TPST1: variants seen among roughly 807,000 people sequenced by gnomAD.
TPST1 encodes the protein tyrosylprotein sulfotransferase 1.
TPST1 carries 20 observed loss-of-function variants against 34.8 expected under a neutral mutation model. The observed-to-expected ratio is 0.57, with a 90% CI of 0.40 to 0.84. The LOEUF (loss-of-function observed/expected upper bound fraction) is 0.84. TPST1 is among the 40% of genes least tolerant of loss of function. The pLI is 0.00. For synonymous variants in TPST1, 152 were observed against 159.4 expected (o/e 0.95, Z 0.35); for missense variants, 353 against 455.5 (o/e 0.78, Z 2.05).
At chr7:66,219,441 T>C (rs528646157) in intron 1 of TPST1, among the ~76,000 whole-genome samples, 1 of 152,316 alleles carries the variant, frequency 6.6e-6, no homozygotes, top group East Asian at 1.9e-4. Flanking sequence ...TGAGTCCAAA[T>C]CTAGTTCTCC....
intron 2 of TPST1, among the ~76,000 whole-genome samples, chr7:66,282,910 C>T (rs1180002822): frequency 6.6e-6 from 1 of 152,152 alleles, no homozygotes; most frequent in Non-Finnish European, 1.5e-5. Flanking sequence ...TTTCTTTTCT[C>T]CCTTCCATCC....
At chr7:66,276,638 T>C (rs6979636) in intron 2 of TPST1, among the ~76,000 whole-genome samples, 31,134 of 151,898 alleles carry the variant, frequency 0.2, 3,673 homozygotes, top group East Asian at 0.3. Flanking sequence ...CTTGTATTTA[T>C]TAACTCTTGT....
intron 3 of TPST1, among the ~76,000 whole-genome samples, chr7:66,341,976 A>G (rs1792247494): frequency 6.6e-6 from 1 of 152,160 alleles, no homozygotes; most frequent in Non-Finnish European, 1.5e-5. Flanking sequence ...AAGAAAAAAC[A>G]AGAGATGACT....
At chr7:66,287,719 A>T in intron 3 of TPST1, among the ~76,000 whole-genome samples, 1 of 95,588 alleles carries the variant, frequency 1.0e-5, no homozygotes, top group Non-Finnish European at 2.1e-5. Context: ...TTTTCTTGTA[A>T]ATTTGTTTGA....
At chr7:66,287,204 A>ATAG (rs2115946764) in intron 3 of TPST1, among the ~76,000 whole-genome samples, 1 of 109,154 alleles carries the variant, frequency 9.2e-6, no homozygotes. Flanking sequence ...TTATGGCTGC[A>ATAG]TAGTATTCCA....
chr7:66,266,448 G>GGTTATTATTAT (rs1790593402), intron 2 of TPST1, among the ~76,000 whole-genome samples: 1 of 152,136 alleles, frequency 6.6e-6, no homozygotes, highest in Non-Finnish European at 1.5e-5. Flanking sequence ...TAACCATTTG[G>GGTTATTATTAT]GGAAACTATA....
At chr7:66,260,250 T>G (rs938558405) in intron 2 of TPST1, among the ~76,000 whole-genome samples, 12 of 152,220 alleles carry the variant, frequency 7.9e-5, no homozygotes, top group African/African-American at 2.2e-4. Flanking sequence ...TGAAATTCAT[T>G]TATGTTTCAT....
intron 2 of TPST1, among the ~76,000 whole-genome samples, chr7:66,273,826 A>G (rs1195071570): frequency 1.3e-5 from 2 of 151,798 alleles, no homozygotes; most frequent in Non-Finnish European, 2.9e-5. Context: ...CTTTTGAGAC[A>G]GGGTCTCACT....
rs192363683 is a variant in TPST1, at chr7:66,332,647, C to G, written c.1045-19858C>G. Among the ~76,000 whole-genome samples, 155 of 152,292 alleles carry G rather than the reference C, an allele frequency of 1.0e-3. No individual in the cohort carries two copies. Among genetic ancestry groups the G allele is most frequent in the African/African-American group, 3.5e-3 (145 of 41,552 alleles). ...GTGGTTTCCACATCCATAGATTCAACTAACCATGGACTGAAAATATGTGGG... is the reference window on the plus strand; with the variant it reads ...GTGGTTTCCACATCCATAGATTCAAGTAACCATGGACTGAAAATATGTGGG... On this transcript the variant is annotated intron_variant, in intron 3 of 5. Coordinates refer to ENST00000304842, the MANE Select transcript of TPST1 (RefSeq NM_003596.4). This position sits in a 1 kb window ranked among gnomAD's most constrained non-coding sequence, Gnocchi z 4.5.
intron 1 of TPST1, 67 bp from the exon 2 acceptor site, chr7:66,240,258 A>G (rs1199609010): frequency 3.7e-6 from 3 of 803,416 alleles, no homozygotes; most frequent in Admixed American, 5.9e-5. Flanking sequence ...TGCAGTGGTG[A>G]TAACTGGTGA....
chr7:66,328,857 CCGCTCT>C (rs1562847064), intron 3 of TPST1, among the ~76,000 whole-genome samples: 1 of 63,800 alleles, frequency 1.6e-5, no homozygotes, highest in Non-Finnish European at 3.3e-5. Flanking sequence ...TCTCTCTCTC[CCGCTCT>C]CTCTCTCTCT....
intron 3 of TPST1, among the ~76,000 whole-genome samples, chr7:66,339,073 A>T (rs1277886082): frequency 1.3e-5 from 2 of 151,808 alleles, no homozygotes; most frequent in Non-Finnish European, 2.9e-5. Context: ...ATAGGTAATC[A>T]AAATTGGCAA....
intron 3 of TPST1, among the ~76,000 whole-genome samples, chr7:66,306,051 C>T (rs1191631358): frequency 6.6e-6 from 1 of 152,008 alleles, no homozygotes; most frequent in Non-Finnish European, 1.5e-5. Context: ...TTGCTTGGAA[C>T]GAATAGAATA....
chr7:66,270,409 C>G (rs140630936), intron 2 of TPST1, among the ~76,000 whole-genome samples: 3 of 152,302 alleles, frequency 2.0e-5, no homozygotes, highest in African/African-American at 7.2e-5. Flanking sequence ...TTCATGTACC[C>G]TATCCCAAAC....
At chr7:66,350,552 A>T (rs553169600) in intron 3 of TPST1, among the ~76,000 whole-genome samples, 2 of 152,188 alleles carry the variant, frequency 1.3e-5, no homozygotes, top group Admixed American at 6.5e-5. Flanking sequence ...AAAATAGACC[A>T]AGTTTTAGGC....
intron 1 of TPST1, among the ~76,000 whole-genome samples, chr7:66,210,163 A>AT (rs1789213933): frequency 1.3e-5 from 2 of 152,126 alleles, no homozygotes; most frequent in Non-Finnish European, 2.9e-5. Flanking sequence ...GGTTAGGTGT[A>AT]TAGGTGAGAG....
upstream of TPST1, among the ~76,000 whole-genome samples, chr7:66,200,813 A>T (rs1789026963): frequency 6.6e-6 from 1 of 151,108 alleles, no homozygotes; most frequent in Non-Finnish European, 1.5e-5. Context: ...CGCAGCCTCC[A>T]CATCCTGAGT....
chr7:66,358,703 G>C (rs1792630889), intron 5 of TPST1, among the ~76,000 whole-genome samples: 1 of 152,022 alleles, frequency 6.6e-6, no homozygotes, highest in South Asian at 2.1e-4. Flanking sequence ...AGCAAATGCT[G>C]AATGTTAGTC....
intron 4 of TPST1, 84 bp from the exon 5 acceptor site, chr7:66,356,741 A>T: frequency 6.6e-7 from 1 of 1,510,850 alleles, no homozygotes. Flanking sequence ...CCTGCGGGCC[A>T]CCCCTCATGT....
Sources: gnomAD v4.1 joint callset for allele counts (sites outside exome capture counted in the v4.1 genomes callset) on GRCh38, gnomAD v4.1.1 for gene constraint, Gnocchi (gnomAD v3.1) non-coding constraint, MANE v1.5 for transcripts, NCBI Gene and HGNC (gene_info 2026-07-23, HGNC 2026-07-21) for gene names.